The following EEPD1 variants were observed in gnomAD, a reference collection of about 807,000 sequenced individuals.
EEPD1 encodes endonuclease/exonuclease/phosphatase family domain containing 1.
Under a neutral mutation model 46.3 loss-of-function variants are expected in EEPD1, and 17 were observed. The observed-to-expected ratio is 0.37, with a 90% CI of 0.25 to 0.55. The LOEUF (loss-of-function observed/expected upper bound fraction) is 0.55. Among genes scored for constraint, EEPD1 ranks in the 20% least tolerant of loss-of-function variants. The probability of loss-of-function intolerance (pLI) is 0.83; values close to 1 mark genes in which losing one functional copy is unlikely to be tolerated. For missense variants in EEPD1, 673 were observed against 745.6 expected (o/e 0.90, Z 1.13); for synonymous variants, 313 against 315.6 (o/e 0.99, Z 0.09).
At chr7:36,182,648 C>A (rs563867646) in intron 2 of EEPD1, among the ~76,000 whole-genome samples, 1 of 152,372 alleles carries the variant, frequency 6.6e-6, no homozygotes, top group East Asian at 1.9e-4. Context: ...TCTCATTTCA[C>A]CTCTACAAGG....
At chr7:36,206,508 G>T (rs1031522781) in intron 2 of EEPD1, among the ~76,000 whole-genome samples, 63 of 152,210 alleles carry the variant, frequency 4.1e-4, no homozygotes, top group African/African-American at 1.5e-3. Context: ...GCTTATGGCT[G>T]CCATATTGGA....
In EEPD1 at chr7:36,193,475, C is replaced by T. The variant is rs948016119; in HGVS notation, c.878+38273C>T. On this transcript the variant is annotated intron_variant, in intron 2 of 7. Coordinates refer to ENST00000242108, the MANE Select transcript of EEPD1 (RefSeq NM_030636.3). The surrounding 1 kb of genome is among the most constrained non-coding windows in gnomAD (Gnocchi z 4.9). ...GCCTTGGGAGGTCCCCCGGGGAGTG[C>T]GGTCCCCTGAAGGCAGAGGCAGAGG... Among the ~76,000 whole-genome samples the T allele has an allele frequency of 3.3e-5, 5 of 152,084 alleles. No homozygotes were observed. Among genetic ancestry groups the T allele is most frequent in the East Asian group, 1.9e-4 (1 of 5,174 alleles).
intron 2 of EEPD1, among the ~76,000 whole-genome samples, chr7:36,217,728 T>A (rs1182537650): frequency 6.6e-6 from 1 of 152,200 alleles, no homozygotes; most frequent in African/African-American, 2.4e-5. Context: ...AGAACCTAAC[T>A]GGCTGGTTTG....
intron 6 of EEPD1, among the ~76,000 whole-genome samples, chr7:36,288,469 GC>G (rs1401486010): frequency 6.6e-6 from 1 of 152,146 alleles, no homozygotes; most frequent in African/African-American, 2.4e-5. Context: ...ACTGAAAAGA[GC>G]AGAATTCTAG....
In EEPD1 at chr7:36,300,630, C is replaced by T. The variant is rs1283177278; in HGVS notation, c.*1424C>T. 3 of 152,224 alleles carry T rather than the reference C, an allele frequency of 2.0e-5. No homozygotes were observed. Among genetic ancestry groups the T allele is most frequent in the African/African-American group, 4.8e-5 (2 of 41,454 alleles). 9.4% of individuals were successfully genotyped at this position (152,224 alleles called of 1,614,324 possible). On this transcript the variant is annotated 3_prime_UTR_variant, in exon 8 of 8. Transcript: ENST00000242108. The stretch of plus-strand genomic sequence containing the variant: ...TAAATGTGGACCAGTATCAAGAACC[C>T]TCCTGTCCCCACGCAGTGTAAACCC...
intron 2 of EEPD1, among the ~76,000 whole-genome samples, chr7:36,222,021 G>T (rs1013168110): frequency 6.6e-6 from 1 of 152,086 alleles, no homozygotes; most frequent in South Asian, 2.1e-4. Flanking sequence ...ATTATATAGT[G>T]GCATTTATTT....
In EEPD1 at chr7:36,299,058, A is replaced by G. The variant is rs149065877; in HGVS notation, c.1562A>G (p.Asn521Ser). ...CTCACGAACCCTTGGATTCCGGATAACTGGTCTTGGGGCGGGGTGGCTTCT... is the reference window on the plus strand; with the variant it reads ...CTCACGAACCCTTGGATTCCGGATAGCTGGTCTTGGGGCGGGGTGGCTTCT... ...EGLTNPWIPDNWSWGGVASEH... is the reference protein window; with the variant it reads ...EGLTNPWIPDSWSWGGVASEH... Residue 521 changes from asparagine to serine, a missense_variant, in exon 8 of 8, where the codon AAC becomes AGC. Physicochemically the swap from Asn to Ser is conservative, Grantham distance 46. Transcript: ENST00000242108. 8 of 1,614,004 alleles carry G rather than the reference A, an allele frequency of 5.0e-6. No homozygotes were observed. The African/African-American group carries it at 9.3e-5, about 19-fold the overall frequency.
chr7:36,220,951 C>G (rs1262786268), intron 2 of EEPD1, among the ~76,000 whole-genome samples: 1 of 152,060 alleles, frequency 6.6e-6, no homozygotes, highest in Non-Finnish European at 1.5e-5. Context: ...AGGTGCCCAC[C>G]ACCACACACC....
rs1323269547 is a variant in EEPD1 at position 36,193,386 on chromosome 7, A to G, written c.878+38184A>G. Among the ~76,000 whole-genome samples, 1 of 152,178 alleles carries G rather than the reference A, an allele frequency of 6.6e-6. No individual in the cohort carries two copies. Among genetic ancestry groups the G allele is most frequent in the Admixed American group, 6.5e-5 (1 of 15,286 alleles). The stretch of plus-strand genomic sequence containing the variant: ...GAGGTATGGCCAGAGAGCAGAGGGA[A>G]TGCCACACAGGAGGACAAAGGAGAG... On this transcript the variant is annotated intron_variant, in intron 2 of 7. Transcript: ENST00000242108. The surrounding 1 kb of genome is among the most constrained non-coding windows in gnomAD (Gnocchi z 4.9).
rs181781943 is a variant in EEPD1, at chr7:36,193,345, G to A, written c.878+38143G>A. Among the ~76,000 whole-genome samples the A allele has an allele frequency of 2.1e-3, 322 of 152,278 alleles. 2 individuals are homozygous for A. Among genetic ancestry groups the A allele is most frequent in the African/African-American group, 7.2e-3 (298 of 41,548 alleles). On this transcript the variant is annotated intron_variant, in intron 2 of 7. Coordinates refer to ENST00000242108, the MANE Select transcript of EEPD1 (RefSeq NM_030636.3). This position sits in a 1 kb window ranked among gnomAD's most constrained non-coding sequence, Gnocchi z 4.9. ...AGAAGCCTGGAGCCTGGAGAGGGGAGGAATGAAGGCGGGATGAGGTATGGC... is the reference window on the plus strand; with the variant it reads ...AGAAGCCTGGAGCCTGGAGAGGGGAAGAATGAAGGCGGGATGAGGTATGGC...
Position 36,297,148 on chromosome 7 carries a change from A to G in EEPD1, c.1471A>G (p.Asn491Asp), listed in dbSNP as rs1269450324. Reference sequence around the variant, plus strand: ...CCCTCAAGGCTCGAAGTCTCTGGACAACATCTGGATCAGTAAAAGCTTAAA... The same window carrying G: ...CCCTCAAGGCTCGAAGTCTCTGGACGACATCTGGATCAGTAAAAGCTTAAA... ...KNPQGSKSLDNIWISKSLKKV... is the reference protein window; with the variant it reads ...KNPQGSKSLDDIWISKSLKKV... Residue 491 changes from asparagine (N) to aspartate (D), a missense_variant, in exon 7 of 8, where the codon AAC (asparagine) becomes GAC (aspartate). Asn to Asp is a conservative substitution (Grantham distance 23). Coordinates refer to ENST00000242108, the MANE Select transcript of EEPD1 (RefSeq NM_030636.3). 2 of 1,614,110 alleles carry G rather than the reference A, an allele frequency of 1.2e-6. No homozygotes were observed. The highest frequency in any genetic ancestry group is 1.3e-5 in the African/African-American group (1 of 74,948).
intron 2 of EEPD1, among the ~76,000 whole-genome samples, chr7:36,175,462 G>A (rs1785161420): frequency 6.6e-6 from 1 of 151,918 alleles, no homozygotes; most frequent in African/African-American, 2.4e-5. Context: ...AAACTCCTGG[G>A]TTCAAGCGAT....
At chr7:36,220,086 G>A (rs921797108) in intron 2 of EEPD1, among the ~76,000 whole-genome samples, 5 of 152,132 alleles carry the variant, frequency 3.3e-5, no homozygotes, top group African/African-American at 1.2e-4. Flanking sequence ...GGATGGGGAT[G>A]CTGTCCCCAC....
chr7:36,211,418 A>G (rs1306982735), intron 2 of EEPD1, among the ~76,000 whole-genome samples: 1 of 152,050 alleles, frequency 6.6e-6, no homozygotes, highest in Non-Finnish European at 1.5e-5. Flanking sequence ...GACAAGAAGG[A>G]TAATTTAGTA....
At chr7:36,192,904 G>A (rs1583799015) in intron 2 of EEPD1, among the ~76,000 whole-genome samples, 1 of 152,360 alleles carries the variant, frequency 6.6e-6, no homozygotes, top group East Asian at 1.9e-4. Flanking sequence ...GAGGATGAGT[G>A]GTGGCCAGAT....
chr7:36,168,147 G>A (rs2115619752), intron 2 of EEPD1, among the ~76,000 whole-genome samples: 1 of 152,336 alleles, frequency 6.6e-6, no homozygotes, highest in South Asian at 2.1e-4. Context: ...AAGGGCAGGA[G>A]CCATGCACAT....
intron 2 of EEPD1, among the ~76,000 whole-genome samples, chr7:36,222,924 G>A (rs1004668464): frequency 2.6e-5 from 4 of 152,198 alleles, no homozygotes; most frequent in African/African-American, 9.7e-5. Context: ...GCCAAGGCAG[G>A]CAGATCGCTT....
At chr7:36,275,054 C>T (rs1458130719) in intron 3 of EEPD1, among the ~76,000 whole-genome samples, 1 of 152,168 alleles carries the variant, frequency 6.6e-6, no homozygotes, top group Non-Finnish European at 1.5e-5. Flanking sequence ...GCTGAGAACA[C>T]ACAGGAAAGT....
chr7:36,194,026 A>G (rs750750117), intron 2 of EEPD1, among the ~76,000 whole-genome samples: 1 of 152,190 alleles, frequency 6.6e-6, no homozygotes, highest in Non-Finnish European at 1.5e-5. Context: ...TTTGAACTCC[A>G]TATTTTGCGT....
Sources: gnomAD v4.1 joint callset for allele counts (sites outside exome capture counted in the v4.1 genomes callset) on GRCh38, gnomAD v4.1.1 for gene constraint, Gnocchi (gnomAD v3.1) non-coding constraint, MANE v1.5 for transcripts, NCBI Gene and HGNC (gene_info 2026-07-23, HGNC 2026-07-21) for gene names.